CCDC178: variants seen among roughly 807,000 people sequenced by gnomAD.
CCDC178 encodes coiled-coil domain-containing protein 178.
In CCDC178, 126 loss-of-function variants were observed where a neutral mutation model predicts 117.4. The observed-to-expected ratio is 1.07, with a 90% CI of 0.93 to 1.24. CCDC178 has a LOEUF of 1.24. Ranked by LOEUF, CCDC178 falls within the 50% of genes most tolerant of loss-of-function variation. The pLI, the probability that CCDC178 is intolerant of heterozygous loss-of-function variation, is 0.00. For missense variants in CCDC178, 1,030 were observed against 986.9 expected (o/e 1.04, Z -0.59); for synonymous variants, 283 against 313.4 (o/e 0.90, Z 1.02).
chr18:33,156,191 C>A (rs1005341636), intron 20 of CCDC178, among the ~76,000 whole-genome samples: 1 of 147,370 alleles, frequency 6.8e-6, no homozygotes, highest in Non-Finnish European at 1.5e-5. Context: ...CAGGTTCAAG[C>A]GATTCTCCTG....
intron 20 of CCDC178, among the ~76,000 whole-genome samples, chr18:33,168,159 G>A (rs1342523990): frequency 3.3e-5 from 5 of 152,024 alleles, no homozygotes; most frequent in African/African-American, 1.2e-4. Context: ...ATCTTTGCCA[G>A]GTCCTATGTC....
At chr18:32,972,613 T>C (rs1373354060) in intron 22 of CCDC178, among the ~76,000 whole-genome samples, 6 of 152,174 alleles carry the variant, frequency 3.9e-5, no homozygotes, top group African/African-American at 1.4e-4. Context: ...AAATGAGTAT[T>C]GCAGAAACAG....
intron 20 of CCDC178, among the ~76,000 whole-genome samples, chr18:33,136,888 T>C (rs2058134127): frequency 6.6e-6 from 1 of 152,190 alleles, no homozygotes. Flanking sequence ...TATTTATTCA[T>C]TAATACATAA....
At chr18:33,004,928 C>T (rs778726360) in intron 21 of CCDC178, among the ~76,000 whole-genome samples, 25 of 152,066 alleles carry the variant, frequency 1.6e-4, no homozygotes, top group Non-Finnish European at 3.5e-4. Context: ...CATCTCACTC[C>T]AGTTAAACTG....
intron 20 of CCDC178, among the ~76,000 whole-genome samples, chr18:33,102,731 AT>A (rs2057649012): frequency 6.6e-6 from 1 of 151,816 alleles, no homozygotes; most frequent in Admixed American, 6.6e-5. Flanking sequence ...TTTTCTACAG[AT>A]AACCATTTCG....
chr18:33,226,994 T>G (rs1599024756), intron 15 of CCDC178, 139 bp from the exon 16 acceptor site: 2 of 336,516 alleles, frequency 5.9e-6, no homozygotes, highest in Non-Finnish European at 1.0e-5. Flanking sequence ...ATTATATGTA[T>G]TTTTAAAATC....
chr18:33,434,624 A>G (rs1304035188), intron 2 of CCDC178, among the ~76,000 whole-genome samples: 1 of 152,138 alleles, frequency 6.6e-6, no homozygotes, highest in Admixed American at 6.5e-5. Context: ...AAATTAATAA[A>G]TCTGAAAGCA....
intron 20 of CCDC178, among the ~76,000 whole-genome samples, chr18:33,140,640 G>T (rs569526195): frequency 3.9e-4 from 59 of 152,258 alleles, no homozygotes; most frequent in African/African-American, 1.4e-3. Flanking sequence ...TACCCCCATT[G>T]TATCTAGGGA....
At position 33,411,623 on chromosome 18, in the gene CCDC178, G is replaced by A. The variant is rs140304711; in HGVS notation, c.58+408C>T. On this transcript the variant is annotated intron_variant, in intron 3 of 22. Transcript: ENST00000383096. The stretch of plus-strand genomic sequence containing the variant: ...AGTATTTTCATTTTTAATATTCCAT[G>A]TTTAGCTTCAGTGATGTGATAGTAA... Among the ~76,000 whole-genome samples, 1,189 of 152,054 alleles carry A rather than the reference G, an allele frequency of 7.8e-3. 11 individuals are homozygous for A. The highest frequency in any genetic ancestry group is 0.02 in the Middle Eastern group (6 of 294).
chr18:33,264,846 C>G (rs1468282934), intron 14 of CCDC178, among the ~76,000 whole-genome samples: 1 of 152,068 alleles, frequency 6.6e-6, no homozygotes, highest in Non-Finnish European at 1.5e-5. Flanking sequence ...CTATTACCAG[C>G]TAAATTACTA....
At chr18:33,266,832 C>T (rs2059822046) in intron 14 of CCDC178, 84 bp downstream of exon 14, 1 of 1,278,470 alleles carries the variant, frequency 7.8e-7, no homozygotes, top group African/African-American at 1.5e-5. Flanking sequence ...CACCATATAA[C>T]TCCAGGGACA....
chr18:33,249,222 G>T (rs2059587467), intron 14 of CCDC178, among the ~76,000 whole-genome samples: 3 of 152,168 alleles, frequency 2.0e-5, no homozygotes, highest in Admixed American at 2.0e-4. Flanking sequence ...TGGGTTGCCT[G>T]TTCACTCTGA....
At chr18:33,134,734 A>G (rs2058105419) in intron 20 of CCDC178, among the ~76,000 whole-genome samples, 1 of 152,038 alleles carries the variant, frequency 6.6e-6, no homozygotes, top group African/African-American at 2.4e-5. Flanking sequence ...ATCAGATTGT[A>G]CAATCACTGT....
At position 33,376,566 on chromosome 18, in the gene CCDC178, A is replaced by G. The variant is rs566080440; in HGVS notation, c.209-6377T>C. Among the ~76,000 whole-genome samples the G allele has an allele frequency of 5.9e-5, 9 of 152,190 alleles. No homozygotes were observed. The South Asian group carries it at 1.9e-3, about 32-fold the overall frequency. On this transcript the variant is annotated intron_variant, in intron 5 of 22. Transcript: ENST00000383096. ...CTGTCACCCAGGTATTGAGCATAGT[A>G]CATAATGGTTAGTTTTTTAACCTTT...
intron 14 of CCDC178, among the ~76,000 whole-genome samples, chr18:33,248,442 C>T (rs1460298763): frequency 6.7e-6 from 1 of 149,016 alleles, no homozygotes; most frequent in Admixed American, 6.7e-5. Flanking sequence ...CAACAGGCCC[C>T]AGTGTATGAC....
At chr18:33,205,672 G>A (rs1020359003) in intron 20 of CCDC178, among the ~76,000 whole-genome samples, 1 of 152,082 alleles carries the variant, frequency 6.6e-6, no homozygotes, top group African/African-American at 2.4e-5. Context: ...ATTCTCTATG[G>A]AGCAAAAGTT....
At chr18:33,262,625 G>T (rs192614568) in intron 14 of CCDC178, among the ~76,000 whole-genome samples, 21 of 152,012 alleles carry the variant, frequency 1.4e-4, no homozygotes, top group African/African-American at 4.6e-4. Context: ...ATAAAAACAC[G>T]TATTGCATGC....
chr18:33,004,962 T>C (rs1048048097), intron 21 of CCDC178, among the ~76,000 whole-genome samples: 4 of 151,978 alleles, frequency 2.6e-5, no homozygotes, highest in African/African-American at 9.7e-5. Flanking sequence ...ATACAGGCAA[T>C]AACAACTGCT....
intron 21 of CCDC178, among the ~76,000 whole-genome samples, chr18:33,086,152 C>A (rs1473329393): frequency 6.6e-6 from 1 of 151,802 alleles, no homozygotes; most frequent in Non-Finnish European, 1.5e-5. Flanking sequence ...GTGATAAAAA[C>A]AATACTATTT....
Sources: allele counts gnomAD v4.1 joint callset (sites outside exome capture counted in the v4.1 genomes callset), GRCh38; gene constraint gnomAD v4.1.1; transcripts MANE v1.5; gene names NCBI Gene and HGNC (gene_info 2026-07-23, HGNC 2026-07-21).